The following FAM171B variants were observed in gnomAD, a reference collection of about 807,000 sequenced individuals.
FAM171B encodes protein FAM171B.
In FAM171B, 19 loss-of-function variants were observed where a neutral mutation model predicts 75.6. The ratio of observed to expected loss-of-function variants is 0.25; its 90% confidence interval spans 0.18 to 0.37. The LOEUF (loss-of-function observed/expected upper bound fraction) is 0.37, where lower values mean the gene tolerates loss of function less well. Ranked by LOEUF, FAM171B falls within the 10% of genes least tolerant of loss-of-function variation. FAM171B has a pLI of 1.00. For synonymous variants in FAM171B, 367 were observed against 361.7 expected, an observed-to-expected ratio of 1.01 and a Z score of -0.17; for missense variants, 848 against 982.4, an observed-to-expected ratio of 0.86 and a Z score of 1.83.
chr2:186,713,673 T>C (rs927852413), intron 1 of FAM171B, among the ~76,000 whole-genome samples: 27 of 152,354 alleles, frequency 1.8e-4, no homozygotes, highest in African/African-American at 6.5e-4. Context: ...AAAGTACATA[T>C]GTTTCTGTAG....
chr2:186,762,956 G>A lies in FAM171B; in HGVS notation c.*133G>A. 2 of 1,050,128 alleles carry A rather than the reference G, an allele frequency of 1.9e-6. No individual in the cohort carries two copies. The highest frequency in any genetic ancestry group is 2.7e-6 in the Non-Finnish European group (2 of 732,900). The allele number at this position is 1,050,128 out of a possible 1,614,324, so 65.1% of individuals were successfully genotyped here. On this transcript the variant is annotated 3_prime_UTR_variant, in exon 8 of 8. Coordinates refer to ENST00000304698, the MANE Select transcript of FAM171B (RefSeq NM_177454.4). The surrounding 1 kb of genome is among the most constrained non-coding windows in gnomAD (Gnocchi z 4.0). ...TGGACATGTCTCAAGCAGAGTAAAT[G>A]GTAATTCAGTAATCAGAGAGAAAGA...
chr2:186,745,588 G>A (rs554940400), intron 3 of FAM171B, among the ~76,000 whole-genome samples: 2 of 152,286 alleles, frequency 1.3e-5, no homozygotes, highest in African/African-American at 4.8e-5. Context: ...TCATAATGAT[G>A]TTAAATCTTT....
chr2:186,697,406 A>G (rs917601715), intron 1 of FAM171B, among the ~76,000 whole-genome samples: 4 of 151,838 alleles, frequency 2.6e-5, no homozygotes, highest in Non-Finnish European at 4.4e-5. Context: ...GGGCCCAGCT[A>G]ATTTTTAATT....
intron 1 of FAM171B, among the ~76,000 whole-genome samples, chr2:186,705,906 T>A (rs1689727694): frequency 6.6e-6 from 1 of 152,218 alleles, no homozygotes; most frequent in African/African-American, 2.4e-5. Flanking sequence ...TGACTTGAAA[T>A]TGATTCATAT....
chr2:186,699,683 A>C lies in FAM171B; in HGVS notation c.238+5272A>C, dbSNP rs566500201. On this transcript the variant is annotated intron_variant, in intron 1 of 7. Coordinates refer to ENST00000304698, the MANE Select transcript of FAM171B (RefSeq NM_177454.4). ...TGCCTGTGCTTGTAGGGTATTACTC[A>C]ATAAATCTTTGTGCAGACCAATGTC... 3.9e-5 allele frequency among the ~76,000 whole-genome samples: 6 copies of C among 152,292 alleles called. No individual in the cohort carries two copies. The South Asian group carries it at 1.2e-3, about 32-fold the overall frequency.
chr2:186,709,413 C>CTGGTAA (rs1380875416), intron 1 of FAM171B, among the ~76,000 whole-genome samples: 1 of 152,152 alleles, frequency 6.6e-6, no homozygotes, highest in East Asian at 1.9e-4. Context: ...AGAAACCAGA[C>CTGGTAA]TGGTAATGCA....
At chr2:186,753,036 T>C (rs1366341539) in intron 5 of FAM171B, among the ~76,000 whole-genome samples, 1 of 152,184 alleles carries the variant, frequency 6.6e-6, no homozygotes, top group East Asian at 1.9e-4. Flanking sequence ...ATTAAGGCCA[T>C]AAAACAGTAT....
At position 186,761,299 on chromosome 2, in the gene FAM171B, T is replaced by C. The variant is rs111330528; in HGVS notation, c.1136+63T>C. On this transcript the variant is annotated intron_variant, in intron 7 of 7. Coordinates refer to ENST00000304698, the MANE Select transcript of FAM171B (RefSeq NM_177454.4). Reference sequence around the variant, plus strand: ...TATGGTATCATTTCAGTATATTCTGTACATTGAAAAGTTTATTTGTAGAAA... The same window carrying C: ...TATGGTATCATTTCAGTATATTCTGCACATTGAAAAGTTTATTTGTAGAAA... 205 of 1,554,334 alleles carry C rather than the reference T, an allele frequency of 1.3e-4. No individual in the cohort carries two copies. In the African/African-American group the frequency reaches 2.6e-3, roughly 20 times the overall value.
At position 186,725,179 on chromosome 2, in the gene FAM171B, C is replaced by A. The variant is rs1048092506; in HGVS notation, c.239-15049C>A. Among the ~76,000 whole-genome samples the A allele has an allele frequency of 2.2e-5, 3 of 136,514 alleles. No homozygotes were observed. The Admixed American group carries it at 2.2e-4, about 10-fold the overall frequency. 89.6% of individuals were successfully genotyped at this position (136,514 alleles called of 152,430 possible). ...CTAACACGGTGAAACCCTGTCTCTA[C>A]TAAAAATACAAAAAATTAGCCGGGC... On this transcript the variant is annotated intron_variant, in intron 1 of 7. Transcript: ENST00000304698.
intron 1 of FAM171B, 35 bp downstream of exon 1, chr2:186,694,446 T>C (rs1689547065): frequency 6.3e-7 from 1 of 1,590,936 alleles, no homozygotes; most frequent in African/African-American, 1.3e-5. Context: ...TCTTTCAGTC[T>C]CGGCCGGCGA....
chr2:186,764,752 T>G lies in FAM171B; in HGVS notation c.*1929T>G, dbSNP rs1400098044. 3 of 151,900 alleles carry G rather than the reference T, an allele frequency of 2.0e-5. No homozygotes were observed. The Admixed American group carries it at 2.0e-4, about 10-fold the overall frequency. The allele number at this position is 151,900 out of a possible 1,614,324, so 9.4% of individuals were successfully genotyped here. A position where few individuals can be genotyped will look rare whatever the true frequency, so the allele number is the denominator to read the frequency against. On this transcript the variant is annotated 3_prime_UTR_variant, in exon 8 of 8. Coordinates refer to ENST00000304698, the MANE Select transcript of FAM171B (RefSeq NM_177454.4). ...GTGTTTCATGTTGGAACAATAAATA[T>G]TGCATGTGAGTAGTATTTCTTGTTT...
At chr2:186,754,656 TGAG>T (rs1031314327) in intron 6 of FAM171B, among the ~76,000 whole-genome samples, 2 of 152,058 alleles carry the variant, frequency 1.3e-5, no homozygotes, top group African/African-American at 4.8e-5. Context: ...TGGTGGGGAT[TGAG>T]GAGGAGAGGA....
Position 186,762,068 on chromosome 2 carries a change from C to T in FAM171B, c.1726C>T (p.Pro576Ser), listed in dbSNP as rs1185566624. Residue 576 changes from proline (P) to serine (S), a missense_variant, in exon 8 of 8, where the codon CCA becomes TCA. Around this residue, in one of 3 missense-constraint regions of FAM171B, gnomAD observed 665 missense variants for 729.0 expected, o/e 0.91. Transcript: ENST00000304698. The surrounding 1 kb of genome is among the most constrained non-coding windows in gnomAD (Gnocchi z 4.0). ...GQLVYGQLME[P>S]VNRENFTQTL... ...GTTAGTCTATGGCCAATTGATGGAA[C>T]CAGTAAATCGAGAGAACTTTACGCA... The T allele has an allele frequency of 3.7e-6, 6 of 1,613,666 alleles. No homozygotes were observed. The highest frequency in any genetic ancestry group is 3.3e-5 in the Admixed American group (2 of 59,910).
At chr2:186,752,122 A>C (rs1690464779) in intron 5 of FAM171B, among the ~76,000 whole-genome samples, 1 of 152,178 alleles carries the variant, frequency 6.6e-6, no homozygotes, top group African/African-American at 2.4e-5. Flanking sequence ...AGATTTTCTT[A>C]GGAGCTATAT....
At chr2:186,734,101 C>T (rs1559087610) in intron 1 of FAM171B, among the ~76,000 whole-genome samples, 1 of 152,134 alleles carries the variant, frequency 6.6e-6, no homozygotes, top group Admixed American at 6.5e-5. Context: ...GTGAAGAGTG[C>T]ATTATTGAGT....
chr2:186,731,674 C>A (rs374885138), intron 1 of FAM171B, among the ~76,000 whole-genome samples: 4 of 152,286 alleles, frequency 2.6e-5, no homozygotes, highest in South Asian at 4.1e-4. Flanking sequence ...CAGACAGATA[C>A]AGATACTGAG....
rs1280529039 is a variant in FAM171B at position 186,764,885 on chromosome 2, A to G, written c.*2062A>G. 1 of 151,958 alleles carries G rather than the reference A, an allele frequency of 6.6e-6. No individual in the cohort carries two copies. The highest frequency in any genetic ancestry group is 1.9e-4 in the East Asian group (1 of 5,188). The allele number at this position is 151,958 out of a possible 1,614,324, so 9.4% of individuals were successfully genotyped here. A position where few individuals can be genotyped will look rare whatever the true frequency, so the allele number is the denominator to read the frequency against. ...TTATTTTTCCCACCTTTAAATAAAA[A>G]TGTTTCATCTCAGCTTGGTAATGAA... On this transcript the variant is annotated 3_prime_UTR_variant, in exon 8 of 8. Coordinates refer to ENST00000304698, the MANE Select transcript of FAM171B (RefSeq NM_177454.4).
At chr2:186,729,047 T>TTA (rs1690075255) in intron 1 of FAM171B, among the ~76,000 whole-genome samples, 1 of 152,194 alleles carries the variant, frequency 6.6e-6, no homozygotes, top group Admixed American at 6.5e-5. Flanking sequence ...TTTATACCTA[T>TTA]TTATTATTAT....
intron 6 of FAM171B, among the ~76,000 whole-genome samples, chr2:186,759,207 C>T (rs1240818627): frequency 2.0e-5 from 3 of 152,116 alleles, no homozygotes; most frequent in Admixed American, 2.0e-4. Context: ...TGTTGATAGA[C>T]ACTTAGATCA....
Sources: gnomAD v4.1 joint callset for allele counts (sites outside exome capture counted in the v4.1 genomes callset) on GRCh38, gnomAD v4.1.1 for gene constraint, gnomAD v4.1.1 regional missense constraint, Gnocchi (gnomAD v3.1) non-coding constraint, MANE v1.5 for transcripts, NCBI Gene and HGNC (gene_info 2026-07-23, HGNC 2026-07-21) for gene names.